The following STK3 variants were observed in gnomAD, a reference collection of about 807,000 sequenced individuals.
STK3 encodes serine/threonine kinase 3.
In STK3, 41 loss-of-function variants were observed where a neutral mutation model predicts 58.0. The ratio of observed to expected loss-of-function variants is 0.71; its 90% CI spans 0.55 to 0.92. The LOEUF (loss-of-function observed/expected upper bound fraction) is 0.92, where lower values mean the gene tolerates loss of function less well. Among genes scored for constraint, STK3 ranks in the 40% least tolerant of loss-of-function variants. The probability of loss-of-function intolerance (pLI) is 0.00; values close to 1 mark genes in which losing one functional copy is unlikely to be tolerated. For synonymous variants in STK3, 170 were observed against 191.0 expected, an observed-to-expected ratio of 0.89 and a Z score of 0.91; for missense variants, 479 against 602.7, an observed-to-expected ratio of 0.79 and a Z score of 2.15.
intron 6 of STK3, among the ~76,000 whole-genome samples, chr8:98,706,159 A>G (rs954213806): frequency 6.6e-6 from 1 of 152,076 alleles, no homozygotes; most frequent in Non-Finnish European, 1.5e-5. Context: ...AAAACAATAA[A>G]CTGAAGAGCA....
At chr8:98,436,936 C>T (rs188078607) in intron 2 of STK3, 1 of 152,496 alleles carries the variant, frequency 6.6e-6, no homozygotes, top group East Asian at 1.9e-4. Flanking sequence ...CATCGGTCCT[C>T]TTGTATCCAT....
chr8:98,353,970 G>A, the STK3 span, among the ~76,000 whole-genome samples: 2 of 152,074 alleles, frequency 1.3e-5, no homozygotes, highest in African/African-American at 4.8e-5. Context: ...TTAAAAAAAA[G>A]AACTCATAGA....
At chr8:98,927,292 C>T (rs1044684046) in intron 1 of STK3, among the ~76,000 whole-genome samples, 4 of 152,188 alleles carry the variant, frequency 2.6e-5, no homozygotes, top group African/African-American at 9.7e-5. Context: ...TTTGTCTGCT[C>T]AACAGTCCTT....
intron 10 of STK3, among the ~76,000 whole-genome samples, chr8:98,512,472 T>C (rs1824594126): frequency 6.6e-6 from 1 of 152,150 alleles, no homozygotes; most frequent in South Asian, 2.1e-4. Context: ...GAATTTTAGA[T>C]GACATAAAGA....
At position 98,749,261 on chromosome 8, in the gene STK3, T is replaced by TTTTAAAATACTTACTGTCTTAATAC. The variant is rs1829820486; in HGVS notation, c.351+14_351+15insGTATTAAGACAGTAAGTATTTTAAA. 1.3e-6 allele frequency: 2 copies of TTTTAAAATACTTACTGTCTTAATAC among 1,560,468 alleles called. No homozygotes were observed. The highest frequency in any genetic ancestry group is 2.3e-5 in the South Asian group (2 of 86,926). On this transcript the variant is annotated intron_variant, in intron 4 of 10. Transcript: ENST00000419617. ...TTTAGAAATGATATTAGCAAAACAA[T>TTTTAAAATACTTACTGTCTTAATAC]TTTAAAATACTTACTGTCTTGTTTC...
At chr8:98,695,734 G>C (rs1003666260) in intron 6 of STK3, among the ~76,000 whole-genome samples, 2 of 152,152 alleles carry the variant, frequency 1.3e-5, no homozygotes, top group Admixed American at 6.5e-5. Context: ...GTACCATGCT[G>C]TTTTGGTACC....
chr8:98,685,375 A>C (rs1343223814), intron 6 of STK3, among the ~76,000 whole-genome samples: 1 of 152,210 alleles, frequency 6.6e-6, no homozygotes, highest in African/African-American at 2.4e-5. Context: ...GACGAAGAGT[A>C]GGAATGCCTC....
At chr8:98,847,548 C>T (rs1159629303) in intron 3 of STK3, among the ~76,000 whole-genome samples, 1 of 152,222 alleles carries the variant, frequency 6.6e-6, no homozygotes, top group South Asian at 2.1e-4. Flanking sequence ...CCCAACACCC[C>T]AAGATCCAGT....
At chr8:98,904,760 G>T in intron 1 of STK3, 3 of 768,548 alleles carry the variant, frequency 3.9e-6, no homozygotes, top group Non-Finnish European at 6.7e-6. Flanking sequence ...AGCATGACGC[G>T]GTTCCACAAT....
chr8:98,938,038 A>G (rs141393866), intron 1 of STK3, among the ~76,000 whole-genome samples: 18 of 152,350 alleles, frequency 1.2e-4, no homozygotes, highest in African/African-American at 3.8e-4. Flanking sequence ...CCTTTGTCAA[A>G]GTGGAGATGA....
intron 4 of STK3, among the ~76,000 whole-genome samples, chr8:98,717,849 G>A (rs1827129880): frequency 6.6e-6 from 1 of 152,104 alleles, no homozygotes; most frequent in Non-Finnish European, 1.5e-5. Flanking sequence ...AACATACAAT[G>A]GAATTTTATT....
chr8:98,914,055 C>CA (rs112330558), intron 1 of STK3, among the ~76,000 whole-genome samples: 12,576 of 132,450 alleles, frequency 0.095, 565 homozygotes, highest in South Asian at 0.12. Context: ...AAAGCCAATT[C>CA]AAAAAAAAAA....
intron 1 of STK3, among the ~76,000 whole-genome samples, chr8:98,805,317 C>T (rs140714115): frequency 3.9e-5 from 6 of 152,256 alleles, no homozygotes; most frequent in Admixed American, 2.6e-4. Context: ...CGGTGGCTCA[C>T]GCCTGTAATC....
At chr8:98,344,567 C>G in the STK3 span, among the ~76,000 whole-genome samples, 1 of 152,146 alleles carries the variant, frequency 6.6e-6, no homozygotes, top group Non-Finnish European at 1.5e-5. Context: ...AAAGGCAATA[C>G]ATGGCTGGAG....
intron 3 of STK3, among the ~76,000 whole-genome samples, chr8:98,761,939 G>T (rs995951489): frequency 7.2e-5 from 11 of 152,150 alleles, no homozygotes; most frequent in Non-Finnish European, 2.9e-5. Flanking sequence ...TAGAAGCCAA[G>T]GGGTGCTCAG....
the STK3 span, among the ~76,000 whole-genome samples, chr8:98,357,849 C>A: frequency 6.6e-6 from 1 of 152,142 alleles, no homozygotes; most frequent in South Asian, 2.1e-4. Context: ...GACACATCCA[C>A]CCCTTAAGAG....
chr8:98,870,540 T>A (rs887224586), intron 3 of STK3, among the ~76,000 whole-genome samples: 3 of 152,228 alleles, frequency 2.0e-5, no homozygotes, highest in Non-Finnish European at 4.4e-5. Flanking sequence ...CCATTCTAAC[T>A]GGTGTGAGAT....
chr8:98,799,828 G>A (rs1051497572), intron 1 of STK3, among the ~76,000 whole-genome samples: 5 of 152,176 alleles, frequency 3.3e-5, no homozygotes, highest in Non-Finnish European at 7.3e-5. Flanking sequence ...CAGTTTTCAA[G>A]AAATAATGAA....
rs186620669 is a variant in STK3 at position 98,634,333 on chromosome 8, T to A, written c.685-38164A>T. 9.4e-4 allele frequency among the ~76,000 whole-genome samples: 143 copies of A among 151,496 alleles called. No homozygotes were observed. The East Asian group carries it at 0.014, about 15-fold the overall frequency. On this transcript the variant is annotated intron_variant, in intron 6 of 10. Coordinates refer to ENST00000419617, the MANE Select transcript of STK3 (RefSeq NM_006281.4). ...GAAACCCTGTCTCTAAAAGAAAAAA[T>A]ATATATATATACAAAAATTAACCAG...
Sources: gnomAD v4.1 joint callset for allele counts (sites outside exome capture counted in the v4.1 genomes callset) on GRCh38, gnomAD v4.1.1 for gene constraint, MANE v1.5 for transcripts, NCBI Gene and HGNC (gene_info 2026-07-23, HGNC 2026-07-21) for gene names.